The following VASP variants were observed in gnomAD, a reference collection of about 807,000 sequenced individuals.
VASP encodes vasodilator-stimulated phosphoprotein.
Under a neutral mutation model 54.4 loss-of-function variants are expected in VASP, and 27 were observed. The ratio of observed to expected loss-of-function variants is 0.50; its 90% CI spans 0.37 to 0.68. The LOEUF (loss-of-function observed/expected upper bound fraction) is 0.68. Among genes scored for constraint, VASP ranks in the 30% least tolerant of loss-of-function variants. The pLI, the probability that VASP is intolerant of heterozygous loss-of-function variation, is 0.00. For missense variants in VASP, 488 were observed against 528.3 expected (o/e 0.92, Z 0.75); for synonymous variants, 233 against 209.8 (o/e 1.11, Z -0.96).
intron 1 of VASP, among the ~76,000 whole-genome samples, chr19:45,514,959 C>G (rs538300143): frequency 6.6e-6 from 1 of 152,262 alleles, no homozygotes; most frequent in Non-Finnish European, 1.5e-5. Context: ...GGCCTCTAGT[C>G]CTCACCTGCA....
chr19:45,517,022 G>A (rs1223550934), intron 1 of VASP, among the ~76,000 whole-genome samples: 1 of 150,510 alleles, frequency 6.6e-6, no homozygotes, highest in Non-Finnish European at 1.5e-5. Flanking sequence ...GTCGGGTGTG[G>A]TGGTGCATGC....
intron 1 of VASP, among the ~76,000 whole-genome samples, chr19:45,516,593 C>T (rs1968705824): frequency 6.6e-6 from 1 of 152,188 alleles, no homozygotes; most frequent in Non-Finnish European, 1.5e-5. Flanking sequence ...TAACCCGCAT[C>T]CCCCCACTGG....
Position 45,522,741 on chromosome 19 carries a change from C to A in VASP, c.744C>A (p.Pro248=), listed in dbSNP as rs765963961. The A allele has an allele frequency of 6.2e-7, 1 of 1,603,136 alleles. No homozygotes were observed. The highest frequency in any genetic ancestry group is 1.1e-5 in the South Asian group (1 of 89,774). ...AGCAGGAGGAGGCCTCAGGGGGGCC[C>A]ACAGCCCCCAAAGCTGAGAGTGGTC... ...VSKQEEASGG[P]TAPKAESGRS... is the part of the protein sequence containing the mutation. Residue 248 remains proline, a synonymous_variant, in exon 7 of 13, where the codon CCC becomes CCA. Coordinates refer to ENST00000245932, the MANE Select transcript of VASP (RefSeq NM_003370.4).
At chr19:45,524,001 G>T in intron 9 of VASP, 96 bp from the exon 10 acceptor site, 1 of 1,609,498 alleles carries the variant, frequency 6.2e-7, no homozygotes, top group Non-Finnish European at 8.5e-7. Context: ...CTCCTGAGAT[G>T]GGGCTTTGAT....
At position 45,507,779 on chromosome 19, in the gene VASP, GA is replaced by G; in HGVS notation, c.5+4del. 6.8e-7 allele frequency: 1 copy of G among 1,481,358 alleles called. No homozygotes were observed. The highest frequency in any genetic ancestry group is 8.9e-7 in the Non-Finnish European group (1 of 1,124,040). The allele number at this position is 1,481,358 out of a possible 1,614,324, so 91.8% of individuals were successfully genotyped here. A position where few individuals can be genotyped will look rare whatever the true frequency, so the allele number is the denominator to read the frequency against. The stretch of plus-strand genomic sequence containing the variant: ...CCCGCCCGCCGAGCAGCCATGAGGT[GA>G]GCCGGACCTGCCCCCCGACCCGTCC... On this transcript the variant is annotated splice_donor_region_variant and intron_variant, in intron 1 of 12. Coordinates refer to ENST00000245932, the MANE Select transcript of VASP (RefSeq NM_003370.4). The surrounding 1 kb of genome is among the most constrained non-coding windows in gnomAD (Gnocchi z 4.4).
intron 1 of VASP, among the ~76,000 whole-genome samples, chr19:45,515,606 A>C (rs1403412298): frequency 1.3e-5 from 2 of 151,908 alleles, no homozygotes; most frequent in Admixed American, 6.6e-5. Context: ...GCGTGATCTC[A>C]GCTCACTGCG....
chr19:45,513,799 A>G (rs1968648691), intron 1 of VASP, among the ~76,000 whole-genome samples: 2 of 152,082 alleles, frequency 1.3e-5, no homozygotes, highest in Admixed American at 6.5e-5. Flanking sequence ...CTTGGGCTCA[A>G]GTGATCCTCC....
rs1968972488 is a variant in VASP, at chr19:45,526,468, AGG to A, written c.*295_*296del. 1 of 339,134 alleles carries A rather than the reference AGG, an allele frequency of 2.9e-6. No homozygotes were observed. Among genetic ancestry groups the A allele is most frequent in the Non-Finnish European group, 5.3e-6 (1 of 187,484 alleles). 21.0% of individuals were successfully genotyped at this position (339,134 alleles called of 1,614,324 possible). A position where few individuals can be genotyped will look rare whatever the true frequency, so the allele number is the denominator to read the frequency against. On this transcript the variant is annotated 3_prime_UTR_variant, in exon 13 of 13. Transcript: ENST00000245932. ...GGATGCACCAATGAACCCCACAGGAAGGGGGAAGGAAGGAGGGAATTTCACAT... is the reference window on the plus strand; with the variant it reads ...GGATGCACCAATGAACCCCACAGGAAGGGAAGGAAGGAGGGAATTTCACAT...
intron 1 of VASP, among the ~76,000 whole-genome samples, chr19:45,511,656 G>A (rs570528667): frequency 2.0e-5 from 3 of 152,208 alleles, no homozygotes; most frequent in African/African-American, 4.8e-5. Flanking sequence ...CCGCACCCCC[G>A]TTTTATGGCT....
At chr19:45,517,892 G>GGC in intron 2 of VASP, 37 bp from the exon 3 acceptor site, 2 of 1,537,052 alleles carry the variant, frequency 1.3e-6, no homozygotes, top group Admixed American at 3.7e-5. Context: ...CCACCCCTGC[G>GGC]CCCGCCGCCC....
intron 1 of VASP, among the ~76,000 whole-genome samples, chr19:45,509,575 C>T (rs981103715): frequency 2.6e-5 from 4 of 152,350 alleles, no homozygotes; most frequent in African/African-American, 9.6e-5. Flanking sequence ...CCCACAAGGC[C>T]CACCTCTTGC....
At position 45,507,501 on chromosome 19, in the gene VASP, A is replaced by G. The variant is rs1968508270; in HGVS notation, c.-271A>G. 3 of 499,910 alleles carry G rather than the reference A, an allele frequency of 6.0e-6. No individual in the cohort carries two copies. The highest frequency in any genetic ancestry group is 5.2e-4 in the Middle Eastern group (1 of 1,940). The allele number at this position is 499,910 out of a possible 1,614,324, so 31.0% of individuals were successfully genotyped here. A position where few individuals can be genotyped will look rare whatever the true frequency, so the allele number is the denominator to read the frequency against. On this transcript the variant is annotated 5_prime_UTR_variant, in exon 1 of 13. Transcript: ENST00000245932. This position sits in a 1 kb window ranked among gnomAD's most constrained non-coding sequence, Gnocchi z 4.4. ...AGTACAGTAGTAAGAGTAACACTGT[A>G]GCCGCCACCGGCAAGGGGTGCGCGC...
In VASP at chr19:45,524,636, C is replaced by T; in HGVS notation, c.1023C>T (p.Tyr341=). The change falls in exon 11 of 13, where the codon TAC becomes TAT. Residue 341 remains tyrosine (Y), a synonymous_variant. Coordinates refer to ENST00000245932, the MANE Select transcript of VASP (RefSeq NM_003370.4). Reference sequence around the variant, plus strand: ...CCTGCACGCCCAGCTCCAGTGATTACTCGGACCTACAGAGGGTGAAACAGG... The same window carrying T: ...CCTGCACGCCCAGCTCCAGTGATTATTCGGACCTACAGAGGGTGAAACAGG... ...TQPCTPSSSD[Y]SDLQRVKQEL... 1.9e-6 allele frequency: 3 copies of T among 1,613,904 alleles called. No homozygotes were observed. The highest frequency in any genetic ancestry group is 2.5e-6 in the Non-Finnish European group (3 of 1,179,924).
Position 45,522,748 on chromosome 19 carries a change from C to T in VASP, c.751C>T (p.Pro251Ser), listed in dbSNP as rs201980485. Residue 251 changes from proline to serine, a missense_variant, in exon 7 of 13, where the codon CCC becomes TCC. Coordinates refer to ENST00000245932, the MANE Select transcript of VASP (RefSeq NM_003370.4). ...GGAGGCCTCAGGGGGGCCCACAGCC[C>T]CCAAAGCTGAGAGTGGTCGAAGCGG... ...QEEASGGPTA[P>S]KAESGRSGGG... 1.2e-6 allele frequency: 2 copies of T among 1,602,842 alleles called. No homozygotes were observed. Among genetic ancestry groups the T allele is most frequent in the African/African-American group, 2.7e-5 (2 of 73,884 alleles).
In VASP at chr19:45,524,539, T is replaced by C. The variant is rs771386036; in HGVS notation, c.957-31T>C. 57 of 1,604,756 alleles carry C rather than the reference T, an allele frequency of 3.6e-5. 1 individual carries two copies. Among genetic ancestry groups the C allele is most frequent in the Non-Finnish European group, 4.5e-5 (53 of 1,171,834 alleles). ...GAAGCAGGTCCTCTCTCTAATCTCA[T>C]TGCTGTCCCAAACCACACCAACTCC... is the stretch of plus-strand genomic sequence containing the variant. On this transcript the variant is annotated intron_variant, in intron 10 of 12. Transcript: ENST00000245932.
chr19:45,508,375 C>T (rs1052032719), intron 1 of VASP, among the ~76,000 whole-genome samples: 9 of 152,186 alleles, frequency 5.9e-5, no homozygotes, highest in Admixed American at 5.2e-4. Flanking sequence ...ATCCAGGGAC[C>T]TGGACGCAGC....
At chr19:45,523,260 T>C (rs1281687631) in intron 7 of VASP, among the ~76,000 whole-genome samples, 2 of 131,390 alleles carry the variant, frequency 1.5e-5, no homozygotes, top group Admixed American at 9.4e-5. Context: ...TGGAGTGCAG[T>C]GGTATGATCT....
Position 45,523,631 on chromosome 19 carries a change from TTC to T in VASP, c.822-8_822-7del. 1 of 1,613,968 alleles carries T rather than the reference TTC, an allele frequency of 6.2e-7. No homozygotes were observed. The highest frequency in any genetic ancestry group is 8.5e-7 in the Non-Finnish European group (1 of 1,179,980). ...GTGACGGAAGCACGTGTTTTTGCTT[TTC>T]TCTCCTGCAGAAGGAAAGCCACGCA... On this transcript the variant is annotated splice_polypyrimidine_tract_variant and intron_variant, in intron 7 of 12. Coordinates refer to ENST00000245932, the MANE Select transcript of VASP (RefSeq NM_003370.4).
intron 1 of VASP, among the ~76,000 whole-genome samples, chr19:45,512,317 C>T (rs1968614872): frequency 6.6e-6 from 1 of 151,160 alleles, no homozygotes; most frequent in African/African-American, 2.4e-5. Flanking sequence ...GAGATGGAGT[C>T]TTGCTCTGTC....
Sources: gnomAD v4.1 joint callset for allele counts (sites outside exome capture counted in the v4.1 genomes callset) on GRCh38, gnomAD v4.1.1 for gene constraint, Gnocchi (gnomAD v3.1) non-coding constraint, MANE v1.5 for transcripts, NCBI Gene and HGNC (gene_info 2026-07-23, HGNC 2026-07-21) for gene names.